KCNIP1: variants seen among roughly 807,000 people sequenced by gnomAD.
KCNIP1 encodes potassium voltage-gated channel interacting protein 1.
KCNIP1 carries 18 observed loss-of-function variants against 33.0 expected under a neutral mutation model. The observed-to-expected ratio is 0.55, with a 90% CI of 0.38 to 0.81. The LOEUF (loss-of-function observed/expected upper bound fraction) is 0.81. Ranked by LOEUF, KCNIP1 falls within the 30% of genes least tolerant of loss-of-function variation. KCNIP1 has a pLI of 0.00. For synonymous variants in KCNIP1, 93 were observed against 98.3 expected (o/e 0.95, Z 0.32); for missense variants, 238 against 271.6 (o/e 0.88, Z 0.87).
intron 1 of KCNIP1, among the ~76,000 whole-genome samples, chr5:170,453,958 C>T (rs145542872): frequency 6.6e-6 from 1 of 152,332 alleles, no homozygotes; most frequent in African/African-American, 2.4e-5. Context: ...CAGCCAACAC[C>T]TTGATTGCAG....
chr5:170,725,233 T>A (rs6875006), intron 5 of KCNIP1, among the ~76,000 whole-genome samples: 6 of 152,008 alleles, frequency 3.9e-5, no homozygotes, highest in Non-Finnish European at 8.8e-5. Flanking sequence ...TCCCATGTTT[T>A]TTGCAGATCT....
intron 1 of KCNIP1, among the ~76,000 whole-genome samples, chr5:170,542,078 A>G (rs76971420): frequency 0.016 from 2,463 of 152,318 alleles, 81 homozygotes; most frequent in African/African-American, 0.056. Flanking sequence ...GCTCCTAGCC[A>G]TACGCCCAAA....
chr5:170,369,328 G>C (rs1016261195), intron 1 of KCNIP1, among the ~76,000 whole-genome samples: 2 of 152,184 alleles, frequency 1.3e-5, no homozygotes. Context: ...TTGGCGAAGA[G>C]TGCCACACAC....
chr5:170,674,818 G>A (rs970412623), intron 1 of KCNIP1, among the ~76,000 whole-genome samples: 1 of 152,158 alleles, frequency 6.6e-6, no homozygotes, highest in Admixed American at 6.5e-5. Flanking sequence ...TCTCCATGGA[G>A]CTGACTTTGA....
chr5:170,635,497 G>A (rs919166930), intron 1 of KCNIP1, among the ~76,000 whole-genome samples: 1 of 152,114 alleles, frequency 6.6e-6, no homozygotes, highest in Non-Finnish European at 1.5e-5. Flanking sequence ...GAAGCCCTGT[G>A]CATGTTGCTG....
intron 1 of KCNIP1, among the ~76,000 whole-genome samples, chr5:170,698,790 C>A (rs1231853420): frequency 6.6e-6 from 1 of 152,182 alleles, no homozygotes; most frequent in Non-Finnish European, 1.5e-5. Context: ...TACCGCCACA[C>A]CAATTGCACT....
At chr5:170,526,727 T>C (rs866556391) in intron 1 of KCNIP1, among the ~76,000 whole-genome samples, 2 of 147,140 alleles carry the variant, frequency 1.4e-5, no homozygotes, top group African/African-American at 5.3e-5. Context: ...AGCTTTTTTT[T>C]TTTTTTTTTT....
chr5:170,470,435 G>T (rs2113132484), intron 1 of KCNIP1, among the ~76,000 whole-genome samples: 1 of 152,058 alleles, frequency 6.6e-6, no homozygotes, highest in East Asian at 1.9e-4. Context: ...TTTTACTCTT[G>T]TTACCGAACT....
Position 170,504,413 on chromosome 5 carries a change from C to T in KCNIP1, c.-160C>T. On this transcript the variant is annotated 5_prime_UTR_variant, in exon 1 of 8. Transcript: ENST00000328939. This position sits in a 1 kb window ranked among gnomAD's most constrained non-coding sequence, Gnocchi z 6.0. ...GGCTGAAGAAGGAAGCCAGAAGCCT[C>T]CTAGCCTCGCCTCCACGCTTGCTGA... 2.1e-6 allele frequency: 3 copies of T among 1,461,886 alleles called. No homozygotes were observed. Among genetic ancestry groups the T allele is most frequent in the Non-Finnish European group, 2.7e-6 (3 of 1,114,040 alleles). The allele number at this position is 1,461,886 out of a possible 1,614,324, so 90.6% of individuals were successfully genotyped here.
intron 1 of KCNIP1, among the ~76,000 whole-genome samples, chr5:170,660,932 G>C (rs1761458470): frequency 6.6e-6 from 1 of 152,266 alleles, no homozygotes; most frequent in African/African-American, 2.4e-5. Context: ...ATATATCTTA[G>C]AGATGGAGCC....
intron 1 of KCNIP1, among the ~76,000 whole-genome samples, chr5:170,490,173 G>A (rs994945603): frequency 6.6e-6 from 1 of 152,200 alleles, no homozygotes; most frequent in African/African-American, 2.4e-5. Context: ...TAAACTCTCT[G>A]TTCATGCTCC....
intron 1 of KCNIP1, among the ~76,000 whole-genome samples, chr5:170,623,854 G>C (rs911539739): frequency 3.9e-5 from 6 of 152,326 alleles, no homozygotes; most frequent in African/African-American, 9.6e-5. Flanking sequence ...TGGGGGCCCT[G>C]AGCCTCCAGC....
chr5:170,592,206 G>A (rs1347150268), intron 1 of KCNIP1, among the ~76,000 whole-genome samples: 1 of 152,120 alleles, frequency 6.6e-6, no homozygotes, highest in Non-Finnish European at 1.5e-5. Flanking sequence ...GTTTTGATTT[G>A]TAGATTTTCC....
At chr5:170,543,555 C>T (rs573833597) in intron 1 of KCNIP1, among the ~76,000 whole-genome samples, 4 of 152,324 alleles carry the variant, frequency 2.6e-5, no homozygotes, top group Admixed American at 2.0e-4. Context: ...CCTATCTTAG[C>T]ACAGTCTAAC....
upstream of KCNIP1, among the ~76,000 whole-genome samples, chr5:170,499,835 A>T (rs4867607): frequency 1.3e-5 from 2 of 151,986 alleles, no homozygotes; most frequent in African/African-American, 4.8e-5. Flanking sequence ...TGCAGGTCTG[A>T]CAATCTCACT....
chr5:170,649,884 A>T (rs1018923253), intron 1 of KCNIP1, among the ~76,000 whole-genome samples: 1 of 152,200 alleles, frequency 6.6e-6, no homozygotes, highest in African/African-American at 2.4e-5. Context: ...GTGAAAGAAG[A>T]TTGGAAAATA....
intron 1 of KCNIP1, among the ~76,000 whole-genome samples, chr5:170,702,223 A>G (rs1253479858): frequency 6.6e-6 from 1 of 152,162 alleles, no homozygotes; most frequent in Non-Finnish European, 1.5e-5. Context: ...ACACTCAGTA[A>G]GTATTTGTCG....
At chr5:170,514,319 C>T (rs1755047652) in intron 1 of KCNIP1, among the ~76,000 whole-genome samples, 2 of 152,232 alleles carry the variant, frequency 1.3e-5, no homozygotes, top group African/African-American at 4.8e-5. Flanking sequence ...CTCTCCATCT[C>T]TGGGATTCGC....
intron 1 of KCNIP1, among the ~76,000 whole-genome samples, chr5:170,446,937 C>T (rs1303025376): frequency 3.3e-5 from 5 of 152,202 alleles, no homozygotes; most frequent in Admixed American, 2.0e-4. Context: ...CTCTACATGC[C>T]GAAAGAGTAA....
Sources: allele counts gnomAD v4.1 joint callset (sites outside exome capture counted in the v4.1 genomes callset), GRCh38; gene constraint gnomAD v4.1.1; non-coding constraint Gnocchi (gnomAD v3.1); transcripts MANE v1.5; gene names NCBI Gene and HGNC (gene_info 2026-07-23, HGNC 2026-07-21).